DIP2C: variants seen among roughly 807,000 people sequenced by gnomAD.
DIP2C encodes the protein DIP2 acetate--CoA ligase C (putative), also known as disco-interacting protein 2 homolog C.
Under a neutral mutation model 192.4 loss-of-function variants are expected in DIP2C, and 33 were observed. The observed-to-expected ratio is 0.17, with a 90% CI of 0.13 to 0.23. The LOEUF is 0.23. DIP2C is among the 10% of genes least tolerant of loss of function. The pLI is 1.00. For synonymous variants in DIP2C, 979 were observed against 864.1 expected (o/e 1.13, Z -2.33); for missense variants, 1,537 against 2,110.1 (o/e 0.73, Z 5.32).
intron 1 of DIP2C, among the ~76,000 whole-genome samples, chr10:520,137 G>C (rs765254506): frequency 1.3e-5 from 2 of 152,214 alleles, no homozygotes; most frequent in South Asian, 2.1e-4. Flanking sequence ...TTAGAAGGTC[G>C]TGTGAAGTCT....
Position 495,895 on chromosome 10 carries a change from T to C in DIP2C, c.86-9365A>G, listed in dbSNP as rs150773986. On this transcript the variant is annotated intron_variant, in intron 1 of 36. Coordinates refer to ENST00000280886, the MANE Select transcript of DIP2C (RefSeq NM_014974.3). ...CTCCCGTGTCCTTAAAATCTCTACA[T>C]TACTTGCAATACCCCAAAGTGAGTG... 1.7e-3 allele frequency among the ~76,000 whole-genome samples: 255 copies of C among 151,476 alleles called. 1 individual carries two copies. The highest frequency in any genetic ancestry group is 5.6e-3 in the African/African-American group (232 of 41,206).
intron 1 of DIP2C, among the ~76,000 whole-genome samples, chr10:646,295 G>A (rs906380729): frequency 1.3e-5 from 2 of 151,978 alleles, no homozygotes; most frequent in African/African-American, 4.8e-5. Flanking sequence ...GCAGGTACTG[G>A]AGCTGCTGTC....
At position 276,137 on chromosome 10, in the gene DIP2C, G is replaced by C. The variant is rs1954503468; in HGVS notation, c.*1188C>G. On this transcript the variant is annotated 3_prime_UTR_variant, in exon 37 of 37. Transcript: ENST00000280886. ...AAACATTGTGCAATGAATTCTTGCA[G>C]CTAAGAAAACAGTGCTATTTGCCAA... The C allele has an allele frequency of 1.3e-5, 2 of 152,656 alleles. No individual in the cohort carries two copies. Among genetic ancestry groups the C allele is most frequent in the Non-Finnish European group, 2.9e-5 (2 of 68,048 alleles). 9.5% of individuals were successfully genotyped at this position (152,656 alleles called of 1,614,324 possible).
intron 32 of DIP2C, among the ~76,000 whole-genome samples, chr10:300,851 G>C (rs1956006732): frequency 6.6e-6 from 1 of 152,254 alleles, no homozygotes; most frequent in South Asian, 2.1e-4. Flanking sequence ...GGGCGGCCCT[G>C]AGCGTGTGGA....
chr10:392,943 G>A (rs149623957), intron 10 of DIP2C, among the ~76,000 whole-genome samples: 1 of 152,148 alleles, frequency 6.6e-6, no homozygotes, highest in Non-Finnish European at 1.5e-5. Flanking sequence ...CAGACAGATG[G>A]ACCCTGCACA....
At chr10:678,122 G>A (rs939682226) in intron 1 of DIP2C, among the ~76,000 whole-genome samples, 16 of 152,178 alleles carry the variant, frequency 1.1e-4, no homozygotes, top group African/African-American at 3.6e-4. Context: ...CATCATCCCC[G>A]AGCAGTGGGG....
intron 1 of DIP2C, among the ~76,000 whole-genome samples, chr10:610,250 G>A (rs1406613808): frequency 2.0e-5 from 3 of 152,208 alleles, no homozygotes; most frequent in African/African-American, 7.2e-5. Flanking sequence ...CTCATGAGCA[G>A]GAGCTGACAG....
intron 4 of DIP2C, among the ~76,000 whole-genome samples, chr10:429,147 A>G (rs971571473): frequency 5.9e-5 from 9 of 152,068 alleles, no homozygotes; most frequent in Non-Finnish European, 1.3e-4. Context: ...CCATCACAGT[A>G]TCATACAGAG....
intron 4 of DIP2C, among the ~76,000 whole-genome samples, chr10:436,583 A>G (rs1967227517): frequency 7.1e-6 from 1 of 141,686 alleles, no homozygotes; most frequent in African/African-American, 2.7e-5. Context: ...TGGTAGGGTG[A>G]TATGCTCCAC....
At position 315,008 on chromosome 10, in the gene DIP2C, C is replaced by T. The variant is rs184902967; in HGVS notation, c.3925-4916G>A. Among the ~76,000 whole-genome samples the T allele has an allele frequency of 9.9e-5, 15 of 152,282 alleles. No homozygotes were observed. The East Asian group carries it at 1.9e-3, about 20-fold the overall frequency. On this transcript the variant is annotated intron_variant, in intron 31 of 36. Transcript: ENST00000280886. ...TCTTTACTTGTCCCTTTCTTTGTTC[C>T]TCCCTTCCTGCCTCCTTTTCTCATG...
intron 31 of DIP2C, chr10:311,595 A>G: frequency 1.7e-5 from 21 of 1,232,456 alleles, no homozygotes; most frequent in Non-Finnish European, 2.1e-5. Context: ...GAGGACGAGA[A>G]GAGAGGAGAG....
At chr10:579,719 C>T (rs1189583024) in intron 1 of DIP2C, among the ~76,000 whole-genome samples, 1 of 151,950 alleles carries the variant, frequency 6.6e-6, no homozygotes, top group East Asian at 1.9e-4. Flanking sequence ...TACACACATC[C>T]ATATCAATAC....
intron 1 of DIP2C, among the ~76,000 whole-genome samples, chr10:503,820 C>T (rs1030377830): frequency 2.6e-5 from 4 of 152,184 alleles, no homozygotes; most frequent in Non-Finnish European, 4.4e-5. Context: ...GTTTTCATCA[C>T]GGTTCTATAT....
intron 10 of DIP2C, among the ~76,000 whole-genome samples, chr10:391,514 G>A (rs1451098368): frequency 6.6e-6 from 1 of 152,232 alleles, no homozygotes; most frequent in Non-Finnish European, 1.5e-5. Context: ...GGTCAGACCT[G>A]AACAGACCTA....
chr10:542,699 C>CT (rs1225503303), intron 1 of DIP2C, among the ~76,000 whole-genome samples: 1 of 152,058 alleles, frequency 6.6e-6, no homozygotes, highest in Non-Finnish European at 1.5e-5. Flanking sequence ...GACCCTGTCC[C>CT]TCTCTATACC....
intron 5 of DIP2C, among the ~76,000 whole-genome samples, chr10:422,266 C>A (rs376589512): frequency 6.6e-6 from 1 of 152,192 alleles, no homozygotes; most frequent in Non-Finnish European, 1.5e-5. Flanking sequence ...CCGCTCCCCA[C>A]GTGCCAGCTC....
chr10:400,122 G>A (rs1964299591), intron 9 of DIP2C, among the ~76,000 whole-genome samples: 1 of 151,290 alleles, frequency 6.6e-6, no homozygotes, highest in Non-Finnish European at 1.5e-5. Flanking sequence ...ATAGCTCACT[G>A]CAGCCTTGAA....
chr10:505,430 C>T (rs1384635437), intron 1 of DIP2C, among the ~76,000 whole-genome samples: 1 of 152,198 alleles, frequency 6.6e-6, no homozygotes, highest in African/African-American at 2.4e-5. Flanking sequence ...GGTTCTCAAC[C>T]TTTCCAATCT....
intron 1 of DIP2C, among the ~76,000 whole-genome samples, chr10:516,933 G>A (rs771006025): frequency 4.0e-5 from 6 of 150,978 alleles, no homozygotes; most frequent in Non-Finnish European, 5.9e-5. Flanking sequence ...TTCCAGGCCC[G>A]GGGCCATCAT....
Sources: allele counts gnomAD v4.1 joint callset (sites outside exome capture counted in the v4.1 genomes callset), GRCh38; gene constraint gnomAD v4.1.1; transcripts MANE v1.5; gene names NCBI Gene and HGNC (gene_info 2026-07-23, HGNC 2026-07-21).